Variants in GNAI3 observed in about 807,000 individuals in gnomAD.
The protein encoded by GNAI3 is guanine nucleotide-binding protein G(i) subunit alpha-3.
Under a neutral mutation model 41.8 loss-of-function variants are expected in GNAI3, and 12 were observed. That is an observed-to-expected ratio of 0.29 (90% CI 0.18 to 0.47). The LOEUF is 0.47. Among genes scored for constraint, GNAI3 ranks in the 20% least tolerant of loss-of-function variants. The pLI is 1.00. For missense variants in GNAI3, 360 were observed against 429.6 expected (o/e 0.84, Z 1.43); for synonymous variants, 132 against 146.5 (o/e 0.90, Z 0.71).
chr1:109,573,641 C>A, intron 1 of GNAI3, 96 bp from the exon 2 acceptor site: 3 of 1,012,728 alleles, frequency 3.0e-6, no homozygotes, highest in Non-Finnish European at 4.6e-6. Flanking sequence ...CCCTAGGACC[C>A]GTGGTTTTCA....
In GNAI3 at chr1:109,548,645, G is replaced by T. The variant is rs1032033649; in HGVS notation, c.-76G>T. ...AGAGGGCCACCGCCCAGCAATAGACGGTGCCTCAGCCTGCCGAGCCGCAGT... is the reference window on the plus strand; with the variant it reads ...AGAGGGCCACCGCCCAGCAATAGACTGTGCCTCAGCCTGCCGAGCCGCAGT... On this transcript the variant is annotated 5_prime_UTR_variant, in exon 1 of 9. Transcript: ENST00000369851. 2 of 979,360 alleles carry T rather than the reference G, an allele frequency of 2.0e-6. No homozygotes were observed. The highest frequency in any genetic ancestry group is 3.2e-6 in the Non-Finnish European group (2 of 619,488). 60.7% of individuals were successfully genotyped at this position (979,360 alleles called of 1,614,324 possible).
Position 109,581,144 on chromosome 1 carries a change from T to C in GNAI3, c.462-1293T>C, listed in dbSNP as rs191712108. ...GTTTTATAGATCATTAATGATTCACTTACATTGGTGCCATCTGCTCATCAG... is the reference window on the plus strand; with the variant it reads ...GTTTTATAGATCATTAATGATTCACCTACATTGGTGCCATCTGCTCATCAG... On this transcript the variant is annotated intron_variant, in intron 4 of 8. Coordinates refer to ENST00000369851, the MANE Select transcript of GNAI3 (RefSeq NM_006496.4). 5.7e-3 allele frequency among the ~76,000 whole-genome samples: 875 copies of C among 152,304 alleles called. 10 individuals are homozygous for C. Among genetic ancestry groups the C allele is most frequent in the African/African-American group, 0.02 (818 of 41,568 alleles).
At chr1:109,586,913 T>A (rs1571162603) in intron 7 of GNAI3, 31 bp downstream of exon 7, 4 of 1,461,646 alleles carry the variant, frequency 2.7e-6, no homozygotes, top group Non-Finnish European at 3.8e-6. Context: ...TTATTGGAGG[T>A]ACACATCTTA....
intron 3 of GNAI3, among the ~76,000 whole-genome samples, chr1:109,576,226 G>C (rs988060265): frequency 6.6e-6 from 1 of 151,774 alleles, no homozygotes; most frequent in African/African-American, 2.4e-5. Context: ...CTGCCACCAC[G>C]GCTGACTAAT....
intron 1 of GNAI3, among the ~76,000 whole-genome samples, chr1:109,557,266 G>A (rs1017854512): frequency 6.6e-6 from 1 of 152,002 alleles, no homozygotes; most frequent in East Asian, 1.9e-4. Flanking sequence ...TTCTGAATTG[G>A]ATATGATATG....
chr1:109,550,766 C>T (rs1024563823), intron 1 of GNAI3, among the ~76,000 whole-genome samples: 2 of 152,210 alleles, frequency 1.3e-5, no homozygotes, highest in Admixed American at 1.3e-4. Flanking sequence ...ATCTCCTGAC[C>T]TTGTGATCCA....
intron 1 of GNAI3, among the ~76,000 whole-genome samples, chr1:109,549,647 T>G (rs1398583361): frequency 6.6e-6 from 1 of 152,214 alleles, no homozygotes; most frequent in African/African-American, 2.4e-5. Context: ...TGCTGAATAG[T>G]TGCTATAGAT....
chr1:109,560,271 A>T (rs1323251829), intron 1 of GNAI3, among the ~76,000 whole-genome samples: 1 of 152,206 alleles, frequency 6.6e-6, no homozygotes. Context: ...GTTAATACAA[A>T]ACATCTGTTT....
intron 1 of GNAI3, among the ~76,000 whole-genome samples, chr1:109,561,485 C>G (rs916150587): frequency 6.6e-6 from 1 of 152,194 alleles, no homozygotes; most frequent in African/African-American, 2.4e-5. Flanking sequence ...CACTAATTTT[C>G]TGCTCCAGGA....
At chr1:109,549,653 T>C (rs1013587436) in intron 1 of GNAI3, among the ~76,000 whole-genome samples, 3 of 152,216 alleles carry the variant, frequency 2.0e-5, no homozygotes, top group East Asian at 1.9e-4. Context: ...ATAGTTGCTA[T>C]AGATGATGTG....
intron 1 of GNAI3, 65 bp from the exon 2 acceptor site, chr1:109,573,672 A>G (rs1330385321): frequency 2.1e-5 from 27 of 1,294,756 alleles, no homozygotes; most frequent in Non-Finnish European, 2.8e-5. Context: ...GTTATCATTC[A>G]TGTTGATATT....
intron 1 of GNAI3, among the ~76,000 whole-genome samples, chr1:109,565,125 G>C (rs572200319): frequency 6.6e-6 from 1 of 151,916 alleles, no homozygotes; most frequent in Non-Finnish European, 1.5e-5. Context: ...TCGACCTGGC[G>C]TGGTGGCAGG....
Position 109,573,865 on chromosome 1 carries a change from G to T in GNAI3, c.162-31G>T, listed in dbSNP as rs369904473. 3 of 1,606,458 alleles carry T rather than the reference G, an allele frequency of 1.9e-6. No individual in the cohort carries two copies. In the African/African-American group the frequency reaches 4.0e-5, roughly 22 times the overall value. ...AGTATCTTTTCATTTTAGGTCCATG[G>T]TATTGACTTGTGGTTTTCTTTGTTT... is the stretch of plus-strand genomic sequence containing the variant. On this transcript the variant is annotated intron_variant, in intron 2 of 8. Coordinates refer to ENST00000369851, the MANE Select transcript of GNAI3 (RefSeq NM_006496.4).
rs1649186658 is a variant in GNAI3 at position 109,592,056 on chromosome 1, T to C, written c.888T>C (p.Tyr296=). 6.2e-7 allele frequency: 1 copy of C among 1,609,076 alleles called. No homozygotes were observed. The highest frequency in any genetic ancestry group is 1.3e-5 in the African/African-American group (1 of 74,772). Residue 296 remains tyrosine, a synonymous_variant, in exon 8 of 9, where the codon TAT becomes TAC. Transcript: ENST00000369851. ...TGTCCGTTTTAGGTTCCAATACATA[T>C]GAAGAGGCAGCTGCCTATATTCAAT... is the stretch of plus-strand genomic sequence containing the variant. ...CYPEYTGSNT[Y]EEAAAYIQCQ... is the part of the protein sequence containing the mutation.
intron 1 of GNAI3, among the ~76,000 whole-genome samples, chr1:109,557,582 A>G (rs890869724): frequency 7.2e-5 from 11 of 152,180 alleles, no homozygotes; most frequent in Admixed American, 5.9e-4. Flanking sequence ...GGTAGGTTGT[A>G]TGTACATGGA....
chr1:109,586,535 C>G (rs994443175), intron 6 of GNAI3, among the ~76,000 whole-genome samples, 190 bp downstream of exon 6: 1 of 152,142 alleles, frequency 6.6e-6, no homozygotes, highest in African/African-American at 2.4e-5. Flanking sequence ...GGATGTTAGC[C>G]AGCCCTTCCT....
At position 109,586,212 on chromosome 1, in the gene GNAI3, G is replaced by T. The variant is rs774246808; in HGVS notation, c.591-4G>T. 2.5e-6 allele frequency: 4 copies of T among 1,612,412 alleles called. No homozygotes were observed. Among genetic ancestry groups the T allele is most frequent in the Admixed American group, 1.7e-5 (1 of 59,892 alleles). On this transcript the variant is annotated splice_polypyrimidine_tract_variant and splice_region_variant and intron_variant, in intron 5 of 8. Transcript: ENST00000369851. ...CTGAATTTGCTTTCTTTCCCCTTGC[G>T]CAGGATGTTTGATGTAGGTGGCCAA...
chr1:109,559,439 C>T (rs915121547), intron 1 of GNAI3, among the ~76,000 whole-genome samples: 1 of 152,082 alleles, frequency 6.6e-6, no homozygotes, highest in Non-Finnish European at 1.5e-5. Context: ...TTTCTTTTTA[C>T]CACTGAGGGA....
Position 109,548,622 on chromosome 1 carries a change from A to G in GNAI3, c.-99A>G. 1.3e-6 allele frequency: 1 copy of G among 755,378 alleles called. No individual in the cohort carries two copies. Among genetic ancestry groups the G allele is most frequent in the East Asian group, 2.6e-5 (1 of 38,066 alleles). The allele number at this position is 755,378 out of a possible 1,614,324, so 46.8% of individuals were successfully genotyped here. On this transcript the variant is annotated 5_prime_UTR_variant, in exon 1 of 9. Transcript: ENST00000369851. ...CTGGGCGCTAAGGGAGCTGACGGAG[A>G]GGGCCACCGCCCAGCAATAGACGGT...
Sources: gnomAD v4.1 joint callset for allele counts (sites outside exome capture counted in the v4.1 genomes callset) on GRCh38, gnomAD v4.1.1 for gene constraint, MANE v1.5 for transcripts, NCBI Gene and HGNC (gene_info 2026-07-23, HGNC 2026-07-21) for gene names.